Variants in DMGDH observed in about 807,000 individuals in gnomAD.
DMGDH encodes the protein dimethylglycine dehydrogenase, also known as dimethylglycine dehydrogenase, mitochondrial.
In DMGDH, 76 loss-of-function variants were observed where a neutral mutation model predicts 95.2. The observed-to-expected ratio is 0.80, with a 90% CI of 0.66 to 0.97. DMGDH has a LOEUF of 0.97. DMGDH is among the 50% of genes least tolerant of loss of function. DMGDH has a pLI of 0.00. For synonymous variants in DMGDH, 345 were observed against 377.6 expected, an observed-to-expected ratio of 0.91 and a Z score of 1.00; for missense variants, 987 against 1,055.0, an observed-to-expected ratio of 0.94 and a Z score of 0.89.
At chr5:79,051,239 T>C (rs1754845327) in intron 5 of DMGDH, 48 bp downstream of exon 5, 4 of 1,573,068 alleles carry the variant, frequency 2.5e-6, no homozygotes, top group South Asian at 1.1e-5. Flanking sequence ...AATATCTTCT[T>C]TCTTTGGCAC....
chr5:79,066,793 G>T (rs776283744), intron 1 of DMGDH, among the ~76,000 whole-genome samples: 1 of 152,136 alleles, frequency 6.6e-6, no homozygotes, highest in Non-Finnish European at 1.5e-5. Context: ...ACTTGCTTAA[G>T]GTGGTGTCTG....
At chr5:79,023,310 C>T (rs976022782) in intron 14 of DMGDH, among the ~76,000 whole-genome samples, 1 of 152,122 alleles carries the variant, frequency 6.6e-6, no homozygotes, top group Admixed American at 6.6e-5. Context: ...GCCGCTGCTG[C>T]CCTTATTCTT....
intron 15 of DMGDH, 94 bp downstream of exon 15, chr5:79,005,179 T>C: frequency 6.4e-7 from 1 of 1,552,180 alleles, no homozygotes; most frequent in Non-Finnish European, 8.8e-7. Context: ...AACAAATAAT[T>C]AATAGCAAAA....
chr5:79,014,456 A>G (rs565052317), intron 14 of DMGDH, among the ~76,000 whole-genome samples: 1 of 152,206 alleles, frequency 6.6e-6, no homozygotes, highest in South Asian at 2.1e-4. Context: ...AGTAGAGTGA[A>G]GAACAATTGC....
At chr5:79,013,273 T>C (rs1019972574) in intron 14 of DMGDH, among the ~76,000 whole-genome samples, 5 of 152,160 alleles carry the variant, frequency 3.3e-5, no homozygotes, top group African/African-American at 1.2e-4. Flanking sequence ...AGGAGCACAA[T>C]GCAGCCATGT....
chr5:79,026,437 G>A lies in DMGDH; in HGVS notation c.2177C>T (p.Ala726Val), dbSNP rs1210926843. 1 of 1,614,036 alleles carries A rather than the reference G, an allele frequency of 6.2e-7. No homozygotes were observed. The highest frequency in any genetic ancestry group is 1.7e-5 in the Admixed American group (1 of 60,014). ...AGCATTTCAAACCTCTAACCCCCAG[G>A]CTCTGAAGGCTTTCTCCAGGCGTAA... ...NALRLEKAFR[A>V]WGLEMNCDTN... Residue 726 changes from alanine (A) to valine (V), a missense_variant, in exon 13 of 16, where the codon GCC becomes GTC. Ala to Val is a moderately conservative substitution (Grantham distance 64). Transcript: ENST00000255189.
At chr5:79,011,682 A>G (rs1386710903) in intron 14 of DMGDH, among the ~76,000 whole-genome samples, 2 of 152,176 alleles carry the variant, frequency 1.3e-5, no homozygotes, top group Non-Finnish European at 2.9e-5. Flanking sequence ...AGTTAGAATC[A>G]TGGTGGAAGG....
intron 7 of DMGDH, among the ~76,000 whole-genome samples, chr5:79,040,353 A>G (rs1188447288): frequency 1.3e-5 from 2 of 152,252 alleles, no homozygotes; most frequent in African/African-American, 4.8e-5. Context: ...GCATAATTCA[A>G]TGAGGACAGA....
chr5:79,067,831 T>C (rs901328243), intron 1 of DMGDH, among the ~76,000 whole-genome samples: 1 of 152,230 alleles, frequency 6.6e-6, no homozygotes, highest in African/African-American at 2.4e-5. Flanking sequence ...TGTATGCTTG[T>C]TCAACTGCTT....
At position 79,034,804 on chromosome 5, in the gene DMGDH, T is replaced by A. The variant is rs536408164; in HGVS notation, c.1194-1396A>T. ...CGGGCGCGATGTCTCACGCCTGTAA[T>A]CCCAGCACTTTGGGAGGCCGAGACG... On this transcript the variant is annotated intron_variant, in intron 7 of 15. Transcript: ENST00000255189. Among the ~76,000 whole-genome samples the A allele has an allele frequency of 2.0e-5, 3 of 152,216 alleles. No individual in the cohort carries two copies. In the East Asian group the frequency reaches 5.8e-4, roughly 29 times the overall value.
At chr5:79,006,347 A>T (rs1309732722) in intron 14 of DMGDH, among the ~76,000 whole-genome samples, 1 of 152,178 alleles carries the variant, frequency 6.6e-6, no homozygotes, top group Non-Finnish European at 1.5e-5. Flanking sequence ...ACACTTAGCT[A>T]ATAAGGGAGA....
At chr5:79,021,419 G>T in intron 14 of DMGDH, 1 of 1,189,176 alleles carries the variant, frequency 8.4e-7, no homozygotes, top group Admixed American at 3.5e-5. Flanking sequence ...TAGATGAACG[G>T]ATGAATGAAT....
chr5:79,044,797 T>A (rs1754623158), intron 5 of DMGDH, among the ~76,000 whole-genome samples: 1 of 152,006 alleles, frequency 6.6e-6, no homozygotes, highest in Non-Finnish European at 1.5e-5. Flanking sequence ...TTCCTGAAAA[T>A]GTTATTGCCC....
intron 9 of DMGDH, 46 bp from the exon 10 acceptor site, chr5:79,031,044 T>C (rs1258414348): frequency 1.2e-6 from 2 of 1,608,366 alleles, no homozygotes; most frequent in African/African-American, 2.7e-5. Flanking sequence ...CGTTCATTTT[T>C]CAAAAATTAC....
chr5:79,046,007 C>G (rs940585577), intron 5 of DMGDH, among the ~76,000 whole-genome samples: 2 of 152,140 alleles, frequency 1.3e-5, no homozygotes, highest in Non-Finnish European at 2.9e-5. Context: ...GAAACGGGTA[C>G]CCATTTGCAA....
intron 7 of DMGDH, among the ~76,000 whole-genome samples, chr5:79,038,961 T>C (rs1754424860): frequency 6.6e-6 from 1 of 151,872 alleles, no homozygotes; most frequent in Non-Finnish European, 1.5e-5. Context: ...GAAAAAATGC[T>C]CATCATCACT....
rs1487498286 is a variant in DMGDH, at chr5:79,068,663, A to C, written c.101+857T>G. ...CATAAAATAAAATTCGAATCAACTC[A>C]TAATAATGTTGAGTGATGCTGATAA... On this transcript the variant is annotated intron_variant, in intron 1 of 15. Transcript: ENST00000255189. 2.6e-5 allele frequency among the ~76,000 whole-genome samples: 4 copies of C among 152,270 alleles called. No individual in the cohort carries two copies. The East Asian group carries it at 7.7e-4, about 29-fold the overall frequency.
chr5:79,029,725 A>T (rs1754100358), intron 11 of DMGDH, among the ~76,000 whole-genome samples, 179 bp downstream of exon 11: 1 of 152,258 alleles, frequency 6.6e-6, no homozygotes, highest in Non-Finnish European at 1.5e-5. Context: ...TACCTTTGGG[A>T]GGGGCAGGGG....
Position 79,069,649 on chromosome 5 carries a change from C to T in DMGDH, c.-29G>A. ...TAGGCCGAGGCCGAGGGCGCAGGCG[C>T]CTGCTCCGAGGCCAGCGGGCAGCCT... On this transcript the variant is annotated 5_prime_UTR_variant, in exon 1 of 16. Coordinates refer to ENST00000255189, the MANE Select transcript of DMGDH (RefSeq NM_013391.3). The T allele has an allele frequency of 3.0e-6, 4 of 1,323,138 alleles. No homozygotes were observed. The highest frequency in any genetic ancestry group is 1.5e-5 in the African/African-American group (1 of 65,244). The allele number at this position is 1,323,138 out of a possible 1,614,324, so 82.0% of individuals were successfully genotyped here.
Sources: gnomAD v4.1 joint callset for allele counts (sites outside exome capture counted in the v4.1 genomes callset) on GRCh38, gnomAD v4.1.1 for gene constraint, MANE v1.5 for transcripts, NCBI Gene and HGNC (gene_info 2026-07-23, HGNC 2026-07-21) for gene names.